Variants in GPR139 observed in about 807,000 individuals in gnomAD.
GPR139 encodes G protein-coupled receptor 139.
In GPR139, 12 loss-of-function variants were observed where a neutral mutation model predicts 25.8. That is an observed-to-expected ratio of 0.47 (90% CI 0.30 to 0.75). GPR139 has a LOEUF of 0.75. Among genes scored for constraint, GPR139 ranks in the 30% least tolerant of loss-of-function variants. The pLI, the probability that GPR139 is intolerant of heterozygous loss-of-function variation, is 0.07. For missense variants in GPR139, 380 were observed against 450.2 expected, an observed-to-expected ratio of 0.84 and a Z score of 1.41; for synonymous variants, 184 against 179.9, an observed-to-expected ratio of 1.02 and a Z score of -0.18.
intron 1 of GPR139, among the ~76,000 whole-genome samples, chr16:20,052,171 C>G (rs1398953082): frequency 6.6e-6 from 1 of 152,218 alleles, no homozygotes. Context: ...TCTAACACTT[C>G]CCCCATCCAC....
intron 1 of GPR139, among the ~76,000 whole-genome samples, chr16:20,056,731 T>C (rs991472777): frequency 4.6e-5 from 7 of 152,220 alleles, no homozygotes; most frequent in Non-Finnish European, 7.3e-5. Flanking sequence ...AAACATTCAC[T>C]ATGTGAACTG....
chr16:20,032,909 C>G (rs2057296461), intron 1 of GPR139, among the ~76,000 whole-genome samples: 1 of 151,728 alleles, frequency 6.6e-6, no homozygotes, highest in African/African-American at 2.4e-5. Context: ...TTCTCCTCAT[C>G]TTAGAAGTGA....
Position 20,031,931 on chromosome 16 carries a change from C to T in GPR139, c.866G>A (p.Ser289Asn). The change falls in exon 2 of 2, where the codon AGC becomes AAC. Residue 289 changes from serine (S) to asparagine (N), a missense_variant. Coordinates refer to ENST00000570682, the MANE Select transcript of GPR139 (RefSeq NM_001002911.4). ...AINFFLYCFI[S>N]KRFRTMAAAT... ...GGCTGCCATGGTGCGGAACCGCTTGCTGATGAAGCAGTAGAGGAAGAAGTT... is the reference window on the plus strand; with the variant it reads ...GGCTGCCATGGTGCGGAACCGCTTGTTGATGAAGCAGTAGAGGAAGAAGTT... The T allele has an allele frequency of 6.2e-7, 1 of 1,614,150 alleles. No individual in the cohort carries two copies. The highest frequency in any genetic ancestry group is 8.5e-7 in the Non-Finnish European group (1 of 1,180,040).
rs979184808 is a variant in GPR139 at position 20,030,328 on chromosome 16, A to G, written c.*1407T>C. On this transcript the variant is annotated 3_prime_UTR_variant, in exon 2 of 2. Coordinates refer to ENST00000570682, the MANE Select transcript of GPR139 (RefSeq NM_001002911.4). ...TGCAATTTCAAAGTCAGTTTGGCAA[A>G]TTTATTCCAAAACAGGGATGAATTC... Among the ~76,000 whole-genome samples, 2 of 152,126 alleles carry G rather than the reference A, an allele frequency of 1.3e-5. No homozygotes were observed. Among genetic ancestry groups the G allele is most frequent in the Non-Finnish European group, 2.9e-5 (2 of 68,020 alleles).
intron 1 of GPR139, among the ~76,000 whole-genome samples, chr16:20,051,370 C>A (rs2057371595): frequency 4.6e-5 from 7 of 152,166 alleles, no homozygotes; most frequent in Admixed American, 4.6e-4. Context: ...TTAGAAAATT[C>A]TTTGGTGCAA....
In GPR139 at chr16:20,073,430, G is replaced by T; in HGVS notation, c.127+60C>A. 6.3e-7 allele frequency: 1 copy of T among 1,582,456 alleles called. No individual in the cohort carries two copies. On this transcript the variant is annotated intron_variant, in intron 1 of 1. Transcript: ENST00000570682. The surrounding 1 kb of genome is among the most constrained non-coding windows in gnomAD (Gnocchi z 4.7). ...GCACGGGGGAGGACGGGGGATTCTG[G>T]GTAGGGTTGCCCGGCACTTGGGGTT...
chr16:20,038,832 A>G lies in GPR139; in HGVS notation c.128-6163T>C, dbSNP rs187802261. On this transcript the variant is annotated intron_variant, in intron 1 of 1. Coordinates refer to ENST00000570682, the MANE Select transcript of GPR139 (RefSeq NM_001002911.4). ...ACTCCCCATATTTAAAATTTCTTTC[A>G]TTTCCACAGTGGCACATTTTCCCCA... Among the ~76,000 whole-genome samples the G allele has an allele frequency of 2.9e-3, 438 of 152,308 alleles. 4 individuals are homozygous for G. Among genetic ancestry groups the G allele is most frequent in the African/African-American group, 9.8e-3 (408 of 41,570 alleles).
In GPR139 at chr16:20,064,475, CA is replaced by C. The variant is rs531755825; in HGVS notation, c.127+9014del. 6.6e-5 allele frequency among the ~76,000 whole-genome samples: 10 copies of C among 152,254 alleles called. No homozygotes were observed. The South Asian group carries it at 2.1e-3, about 32-fold the overall frequency. ...ACTTGAACCTGGGAGGTGGAGCTTT[CA>C]GTGAGCTGAAATTGGACCACTGCAC... On this transcript the variant is annotated intron_variant, in intron 1 of 1. Transcript: ENST00000570682.
chr16:20,051,758 C>T (rs1197999023), intron 1 of GPR139, among the ~76,000 whole-genome samples: 2 of 152,176 alleles, frequency 1.3e-5, no homozygotes, highest in Non-Finnish European at 2.9e-5. Context: ...CTGAGTTCAG[C>T]GGGTGAAGGT....
Position 20,031,399 on chromosome 16 carries a change from G to A in GPR139, c.*336C>T, listed in dbSNP as rs1281164614. ...CATAAATGAAGGGTTCCCAGTGACT[G>A]TGGATGGTACCAGGGCGAAATCACA... is the stretch of plus-strand genomic sequence containing the variant. On this transcript the variant is annotated 3_prime_UTR_variant, in exon 2 of 2. Coordinates refer to ENST00000570682, the MANE Select transcript of GPR139 (RefSeq NM_001002911.4). 2 of 297,290 alleles carry A rather than the reference G, an allele frequency of 6.7e-6. No individual in the cohort carries two copies. The highest frequency in any genetic ancestry group is 7.3e-5 in the East Asian group (1 of 13,706). 18.4% of individuals were successfully genotyped at this position (297,290 alleles called of 1,614,324 possible).
rs1401541669 is a variant in GPR139, at chr16:20,029,409, A to G, written c.*2326T>C. Among the ~76,000 whole-genome samples, 2 of 151,928 alleles carry G rather than the reference A, an allele frequency of 1.3e-5. No homozygotes were observed. Among genetic ancestry groups the G allele is most frequent in the Non-Finnish European group, 2.9e-5 (2 of 67,984 alleles). Reference sequence around the variant, plus strand: ...AAGGAATTGCTTAACCTTTGTAGATATTGCACTTTGACTCATTCATGTGTA... The same window carrying G: ...AAGGAATTGCTTAACCTTTGTAGATGTTGCACTTTGACTCATTCATGTGTA... On this transcript the variant is annotated 3_prime_UTR_variant, in exon 2 of 2. Transcript: ENST00000570682.
At chr16:20,038,329 A>G (rs59799562) in intron 1 of GPR139, among the ~76,000 whole-genome samples, 23,359 of 94,396 alleles carry the variant, frequency 0.25, 2,164 homozygotes, top group Non-Finnish European at 0.34. Flanking sequence ...TAATATATAT[A>G]TGTGTGTGTG....
intron 1 of GPR139, among the ~76,000 whole-genome samples, chr16:20,043,079 G>A (rs903530641): frequency 5.9e-5 from 9 of 152,308 alleles, no homozygotes; most frequent in African/African-American, 2.2e-4. Context: ...GACCGAGCAA[G>A]TCTCCTCCTT....
Position 20,073,219 on chromosome 16 carries a change from A to G in GPR139, c.127+271T>C, listed in dbSNP as rs2057466273. On this transcript the variant is annotated intron_variant, in intron 1 of 1. Transcript: ENST00000570682. This position sits in a 1 kb window ranked among gnomAD's most constrained non-coding sequence, Gnocchi z 4.7. ...CAAATGCACCTTCGAATCCATGCTC[A>G]CATGCCCAGCCCATCGCCCGCCGTC... is the stretch of plus-strand genomic sequence containing the variant. 6.6e-6 allele frequency among the ~76,000 whole-genome samples: 1 copy of G among 150,792 alleles called. No homozygotes were observed. The highest frequency in any genetic ancestry group is 2.0e-4 in the East Asian group (1 of 5,080).
intron 1 of GPR139, among the ~76,000 whole-genome samples, chr16:20,038,141 C>T (rs1301289625): frequency 6.6e-6 from 1 of 151,988 alleles, no homozygotes; most frequent in Non-Finnish European, 1.5e-5. Flanking sequence ...GGATTACAGG[C>T]GTGAGCCATC....
chr16:20,049,073 T>G (rs1455860699), intron 1 of GPR139, among the ~76,000 whole-genome samples: 2 of 152,214 alleles, frequency 1.3e-5, no homozygotes, highest in South Asian at 4.1e-4. Context: ...TATGATGCTA[T>G]TCTTCAAGAT....
At chr16:20,042,586 A>G (rs1199863821) in intron 1 of GPR139, among the ~76,000 whole-genome samples, 3 of 152,134 alleles carry the variant, frequency 2.0e-5, no homozygotes, top group Admixed American at 6.5e-5. Flanking sequence ...TTATTGCATG[A>G]TGATTCAGTT....
chr16:20,044,012 C>A (rs1321614074), intron 1 of GPR139, among the ~76,000 whole-genome samples: 1 of 152,082 alleles, frequency 6.6e-6, no homozygotes, highest in Non-Finnish European at 1.5e-5. Context: ...GGATTCCTTA[C>A]CAATAAAATG....
intron 1 of GPR139, among the ~76,000 whole-genome samples, chr16:20,038,728 C>T (rs1351508078): frequency 6.6e-6 from 1 of 152,014 alleles, no homozygotes; most frequent in South Asian, 2.1e-4. Context: ...GGGAATGGTG[C>T]GGTTCCTGTG....
Sources: gnomAD v4.1 joint callset for allele counts (sites outside exome capture counted in the v4.1 genomes callset) on GRCh38, gnomAD v4.1.1 for gene constraint, Gnocchi (gnomAD v3.1) non-coding constraint, MANE v1.5 for transcripts, NCBI Gene and HGNC (gene_info 2026-07-23, HGNC 2026-07-21) for gene names.